AFAP1L2: variants seen among roughly 807,000 people sequenced by gnomAD.
AFAP1L2 encodes the protein actin filament associated protein 1 like 2.
A neutral mutation model predicts 99.3 loss-of-function variants in AFAP1L2; 46 were observed. That is an observed-to-expected ratio of 0.46 (90% CI 0.37 to 0.59). AFAP1L2 has a LOEUF of 0.59. Ranked by LOEUF, AFAP1L2 falls within the 20% of genes least tolerant of loss-of-function variation. The pLI is 0.00. For synonymous variants in AFAP1L2, 397 were observed against 419.1 expected (o/e 0.95, Z 0.64); for missense variants, 959 against 1,034.9 (o/e 0.93, Z 1.01).
chr10:114,404,827 G>T, upstream of AFAP1L2: 1 of 224,148 alleles, frequency 4.5e-6, no homozygotes, highest in Non-Finnish European at 8.7e-6. Flanking sequence ...TCTGGGGGAG[G>T]CTCCGGGAGG....
At chr10:114,340,469 G>T in intron 2 of AFAP1L2, 134 bp downstream of exon 2, 3 of 1,250,576 alleles carry the variant, frequency 2.4e-6, no homozygotes, top group Admixed American at 2.4e-5. Context: ...TAGACTTCTG[G>T]CCTCCAGAAG....
intron 11 of AFAP1L2, among the ~76,000 whole-genome samples, chr10:114,303,089 A>G (rs1353799489): frequency 2.0e-5 from 3 of 152,196 alleles, no homozygotes; most frequent in Admixed American, 2.0e-4. Context: ...CATTCTAATC[A>G]AATGCATCCA....
At chr10:114,398,170 C>T (rs867063686) in intron 1 of AFAP1L2, among the ~76,000 whole-genome samples, 2 of 152,150 alleles carry the variant, frequency 1.3e-5, no homozygotes, top group African/African-American at 2.4e-5. Context: ...ATATGAGAGT[C>T]GAGTGATAGA....
intron 1 of AFAP1L2, among the ~76,000 whole-genome samples, chr10:114,356,197 C>T (rs573671469): frequency 2.1e-4 from 32 of 152,206 alleles, no homozygotes; most frequent in Admixed American, 5.2e-4. Context: ...TGCATATTCC[C>T]CCAGCAGAGT....
At chr10:114,376,347 C>T (rs1028402350) in intron 1 of AFAP1L2, among the ~76,000 whole-genome samples, 2 of 151,934 alleles carry the variant, frequency 1.3e-5, no homozygotes, top group African/African-American at 2.4e-5. Flanking sequence ...TATGAAATGT[C>T]ATCTACACTT....
downstream of AFAP1L2, among the ~76,000 whole-genome samples, chr10:114,290,553 A>G (rs2039481650): frequency 6.6e-6 from 1 of 152,258 alleles, no homozygotes; most frequent in Non-Finnish European, 1.5e-5. Context: ...GTGCAGGAAC[A>G]TAGCAGTAAA....
intron 10 of AFAP1L2, among the ~76,000 whole-genome samples, chr10:114,306,345 G>T (rs1480357896): frequency 6.7e-6 from 1 of 149,742 alleles, no homozygotes; most frequent in Non-Finnish European, 1.5e-5. Context: ...AGGAGGGGAC[G>T]CGGGGGCAGG....
intron 8 of AFAP1L2, among the ~76,000 whole-genome samples, chr10:114,309,732 G>A (rs2042932960): frequency 6.6e-6 from 1 of 152,196 alleles, no homozygotes; most frequent in East Asian, 1.9e-4. Context: ...GAAAGGAAGT[G>A]CCTCATAAAA....
chr10:114,295,390 G>GGAAA lies in AFAP1L2; in HGVS notation c.*648_*651dup. Reference sequence around the variant, plus strand: ...AGTTGATTCAGGCCTGCCTTGGACTGGAAAGAAGTCTTTAACTTAGTGGGA... The same window carrying GGAAA: ...AGTTGATTCAGGCCTGCCTTGGACTGGAAAGAAAGAAGTCTTTAACTTAGTGGGA... On this transcript the variant is annotated 3_prime_UTR_variant, in exon 19 of 19. Transcript: ENST00000304129. 1 of 985,688 alleles carries GGAAA rather than the reference G, an allele frequency of 1.0e-6. No homozygotes were observed. The highest frequency in any genetic ancestry group is 1.1e-4 in the East Asian group (1 of 8,824). 61.1% of individuals were successfully genotyped at this position (985,688 alleles called of 1,614,324 possible).
At chr10:114,287,693 T>A in the AFAP1L2 span, among the ~76,000 whole-genome samples, 763 of 152,180 alleles carry the variant, frequency 5.0e-3, 3 homozygotes, top group Middle Eastern at 0.014. Flanking sequence ...TTGGATTTTT[T>A]AAAAAAAATA....
intron 1 of AFAP1L2, among the ~76,000 whole-genome samples, chr10:114,356,642 T>G (rs1343131922): frequency 6.6e-6 from 1 of 152,232 alleles, no homozygotes; most frequent in Non-Finnish European, 1.5e-5. Flanking sequence ...GTCATCCCTC[T>G]GATTAAAACA....
intron 1 of AFAP1L2, among the ~76,000 whole-genome samples, chr10:114,352,499 A>AAAAAAG (rs3061720): frequency 6.7e-6 from 1 of 149,230 alleles, no homozygotes; most frequent in African/African-American, 2.5e-5. Context: ...AAAAAAAAAA[A>AAAAAAG]GCAACCGGAG....
chr10:114,326,710 C>A (rs2135404765), intron 4 of AFAP1L2, among the ~76,000 whole-genome samples: 1 of 152,242 alleles, frequency 6.6e-6, no homozygotes, highest in Non-Finnish European at 1.5e-5. Flanking sequence ...ACTGGGACAT[C>A]CTTGCTATGT....
At position 114,315,768 on chromosome 10, in the gene AFAP1L2, G is replaced by A. The variant is rs1197997744; in HGVS notation, c.407-3C>T. On this transcript the variant is annotated splice_region_variant and splice_polypyrimidine_tract_variant and intron_variant, in intron 5 of 18. Coordinates refer to ENST00000304129, the MANE Select transcript of AFAP1L2 (RefSeq NM_001001936.3). ...GCTGCTCACAGCCTCTCCGTCCTCTGCAAGGAAGACCAGCTCGGTCAGGGC... is the reference window on the plus strand; with the variant it reads ...GCTGCTCACAGCCTCTCCGTCCTCTACAAGGAAGACCAGCTCGGTCAGGGC... The A allele has an allele frequency of 3.7e-6, 6 of 1,609,750 alleles. No homozygotes were observed. In the East Asian group the frequency reaches 1.3e-4, roughly 36 times the overall value.
intron 11 of AFAP1L2, among the ~76,000 whole-genome samples, chr10:114,302,751 TTG>T (rs1564796571): frequency 6.6e-6 from 1 of 152,194 alleles, no homozygotes; most frequent in East Asian, 1.9e-4. Flanking sequence ...TGTATATACA[TTG>T]TGTTTCTAGG....
intron 1 of AFAP1L2, among the ~76,000 whole-genome samples, chr10:114,386,046 C>T (rs1053429117): frequency 2.6e-5 from 4 of 151,984 alleles, no homozygotes; most frequent in African/African-American, 9.7e-5. Context: ...GCAGCCAGGC[C>T]GAGACTCGGC....
intron 1 of AFAP1L2, among the ~76,000 whole-genome samples, chr10:114,357,484 C>A (rs1205392392): frequency 6.6e-6 from 1 of 152,138 alleles, no homozygotes; most frequent in African/African-American, 2.4e-5. Flanking sequence ...TCTCACAGTA[C>A]CCTTGTCTAC....
chr10:114,315,338 G>C (rs1158055337), intron 6 of AFAP1L2, among the ~76,000 whole-genome samples: 1 of 152,152 alleles, frequency 6.6e-6, no homozygotes, highest in African/African-American at 2.4e-5. Context: ...CCCCCTTTGA[G>C]AACTTGATGA....
chr10:114,388,401 C>G lies in AFAP1L2; in HGVS notation c.16+16039G>C, dbSNP rs138063735. Reference sequence around the variant, plus strand: ...AGGTCTCAACCCAAATGTCACCTCCCCAGAGAGACTCTCCATCACCCCCAG... The same window carrying G: ...AGGTCTCAACCCAAATGTCACCTCCGCAGAGAGACTCTCCATCACCCCCAG... On this transcript the variant is annotated intron_variant, in intron 1 of 18. Transcript: ENST00000304129. Among the ~76,000 whole-genome samples the G allele has an allele frequency of 5.8e-3, 884 of 152,216 alleles. 8 individuals carry two copies. The highest frequency in any genetic ancestry group is 0.019 in the African/African-American group (793 of 41,528).
Sources: gnomAD v4.1 joint callset for allele counts (sites outside exome capture counted in the v4.1 genomes callset) on GRCh38, gnomAD v4.1.1 for gene constraint, MANE v1.5 for transcripts, NCBI Gene and HGNC (gene_info 2026-07-23, HGNC 2026-07-21) for gene names.